SGSM1: variants seen among roughly 807,000 people sequenced by gnomAD.
The protein encoded by SGSM1 is RUN and TBC1 domain containing 2.
SGSM1 carries 73 observed loss-of-function variants against 133.8 expected under a neutral mutation model. The observed-to-expected ratio is 0.55, with a 90% confidence interval of 0.45 to 0.66. SGSM1 has a LOEUF of 0.66. Ranked by LOEUF, SGSM1 falls within the 30% of genes least tolerant of loss-of-function variation. SGSM1 has a pLI of 0.00. For missense variants in SGSM1, 1,213 were observed against 1,448.1 expected (o/e 0.84, Z 2.64); for synonymous variants, 563 against 573.0 (o/e 0.98, Z 0.25).
At chr22:24,870,090 G>C (rs189021364) in intron 12 of SGSM1, among the ~76,000 whole-genome samples, 2 of 152,334 alleles carry the variant, frequency 1.3e-5, no homozygotes, top group Non-Finnish European at 2.9e-5. Context: ...AGGCTCTTTT[G>C]AGAGCAGATG....
intron 5 of SGSM1, among the ~76,000 whole-genome samples, chr22:24,854,441 C>G (rs1467371616): frequency 6.6e-6 from 1 of 152,198 alleles, no homozygotes; most frequent in Non-Finnish European, 1.5e-5. Flanking sequence ...TATAAAGGCT[C>G]TATCATGACC....
intron 2 of SGSM1, among the ~76,000 whole-genome samples, chr22:24,838,923 T>G (rs139654): frequency 0.26 from 27,159 of 103,614 alleles, 2,557 homozygotes; most frequent in African/African-American, 0.33. Context: ...GATATTTATG[T>G]TTCTGCAAAA....
intron 22 of SGSM1, among the ~76,000 whole-genome samples, chr22:24,913,866 C>A (rs1315537271): frequency 1.3e-5 from 2 of 150,524 alleles, no homozygotes; most frequent in Non-Finnish European, 2.9e-5. Flanking sequence ...ACTAAAAATA[C>A]AAACATTGGC....
intron 2 of SGSM1, among the ~76,000 whole-genome samples, chr22:24,810,905 T>G (rs1255644930): frequency 6.6e-6 from 1 of 152,104 alleles, no homozygotes; most frequent in African/African-American, 2.4e-5. Flanking sequence ...AGAGAAGCAA[T>G]TGACGTTACC....
intron 10 of SGSM1, 71 bp downstream of exon 10, chr22:24,867,231 A>G (rs1421729348): frequency 1.4e-6 from 2 of 1,451,274 alleles, no homozygotes; most frequent in Non-Finnish European, 1.9e-6. Context: ...ATCCCTGCCT[A>G]TTCATTAGCA....
At chr22:24,854,805 G>T (rs1039069629) in intron 5 of SGSM1, among the ~76,000 whole-genome samples, 191 bp from the exon 6 acceptor site, 1 of 152,094 alleles carries the variant, frequency 6.6e-6, no homozygotes, top group Non-Finnish European at 1.5e-5. Flanking sequence ...GACAGAGAAA[G>T]ACCTTATCTT....
At chr22:24,899,682 C>T (rs750027281) in intron 19 of SGSM1, among the ~76,000 whole-genome samples, 11 of 151,956 alleles carry the variant, frequency 7.2e-5, no homozygotes, top group Non-Finnish European at 1.5e-4. Flanking sequence ...CCACCACGCC[C>T]GGCTAATTTT....
chr22:24,868,724 G>A lies in SGSM1; in HGVS notation c.1160G>A (p.Gly387Asp), dbSNP rs1203782240. Reference protein sequence around the residue: ...DPPLWSQRGKGKVFPKLRKRS... With the variant: ...DPPLWSQRGKDKVFPKLRKRS... ...TTGTTTTGGGACATGTTTTTGCAGG[G>A]CAAAGTGTTTCCTAAACTGCGCAAG... Residue 387 changes from glycine to aspartate, a missense_variant and splice_region_variant, in exon 12 of 25, where the codon GGC (glycine) becomes GAC (aspartate). Transcript: ENST00000400358. 6.2e-7 allele frequency: 1 copy of A among 1,613,652 alleles called. No individual in the cohort carries two copies. Among genetic ancestry groups the A allele is most frequent in the Non-Finnish European group, 8.5e-7 (1 of 1,179,778 alleles).
At chr22:24,892,226 G>A (rs1569166232) in intron 16 of SGSM1, among the ~76,000 whole-genome samples, 2 of 152,104 alleles carry the variant, frequency 1.3e-5, no homozygotes, top group East Asian at 1.9e-4. Context: ...TGGCTCAGGC[G>A]AGGCCCTTGG....
rs533180789 is a variant in SGSM1, at chr22:24,872,967, AT to A, written c.1292-3599del. ...AAATTACATATGTGGCTCAATTGTA[AT>A]TTTTTTTTTTGGCAGGGTCTCGCTC... On this transcript the variant is annotated intron_variant, in intron 12 of 24. Transcript: ENST00000400358. Among the ~76,000 whole-genome samples, 487 of 145,816 alleles carry A rather than the reference AT, an allele frequency of 3.3e-3. 4 individuals are homozygous for A. The highest frequency in any genetic ancestry group is 0.011 in the African/African-American group (451 of 40,046).
chr22:24,901,819 C>T lies in SGSM1; in HGVS notation c.2611-14C>T. ...TCATTTCTTCCCCCTACCCCCTGCC[C>T]CGATGGCCTATAGCCAGAGCTGCTG... On this transcript the variant is annotated splice_polypyrimidine_tract_variant and intron_variant, in intron 19 of 24. Transcript: ENST00000400358. 3 of 1,611,898 alleles carry T rather than the reference C, an allele frequency of 1.9e-6. No homozygotes were observed. Among genetic ancestry groups the T allele is most frequent in the Non-Finnish European group, 2.5e-6 (3 of 1,179,088 alleles).
chr22:24,913,882 T>A (rs1933722438), intron 22 of SGSM1, among the ~76,000 whole-genome samples: 1 of 149,680 alleles, frequency 6.7e-6, no homozygotes, highest in Admixed American at 6.7e-5. Context: ...TTGGCCGGGG[T>A]GCGGTGGCTC....
Position 24,927,178 on chromosome 22 carries a change from G to A in SGSM1, c.*2904G>A, listed in dbSNP as rs1048425610. On this transcript the variant is annotated 3_prime_UTR_variant, in exon 25 of 25. Coordinates refer to ENST00000400358, the MANE Select transcript of SGSM1 (RefSeq NM_001098497.3). ...CTTCTTCATGTGTCTGTGGTCAGCT[G>A]ATGTCCAGATAGGCAACTCTGCTTC... 7 of 152,208 alleles carry A rather than the reference G, an allele frequency of 4.6e-5. No homozygotes were observed. Among genetic ancestry groups the A allele is most frequent in the African/African-American group, 1.7e-4 (7 of 41,450 alleles). The allele number at this position is 152,208 out of a possible 1,614,324, so 9.4% of individuals were successfully genotyped here.
intron 2 of SGSM1, chr22:24,843,677 C>T (rs781046451): frequency 6.6e-6 from 1 of 152,270 alleles, no homozygotes; most frequent in Non-Finnish European, 1.5e-5. Context: ...TGGGCAGAAT[C>T]AGGCCCAGAA....
At position 24,927,101 on chromosome 22, in the gene SGSM1, G is replaced by C. The variant is rs1328210438; in HGVS notation, c.*2827G>C. ...AGCCATGTATTTACCTCATAATTCT[G>C]TGGGTCAGCATCCCAGGCTAGGTTC... On this transcript the variant is annotated 3_prime_UTR_variant, in exon 25 of 25. Coordinates refer to ENST00000400358, the MANE Select transcript of SGSM1 (RefSeq NM_001098497.3). 2.0e-5 allele frequency: 3 copies of C among 152,148 alleles called. No individual in the cohort carries two copies. Among genetic ancestry groups the C allele is most frequent in the African/African-American group, 7.2e-5 (3 of 41,416 alleles). 9.4% of individuals were successfully genotyped at this position (152,148 alleles called of 1,614,324 possible).
chr22:24,830,345 G>C (rs1929042566), intron 2 of SGSM1, among the ~76,000 whole-genome samples: 1 of 152,138 alleles, frequency 6.6e-6, no homozygotes, highest in Non-Finnish European at 1.5e-5. Flanking sequence ...CCATTCCCAG[G>C]GTAAGAAGGT....
rs144611370 is a variant in SGSM1, at chr22:24,841,831, G to A, written c.64-3066G>A. 4.7e-3 allele frequency among the ~76,000 whole-genome samples: 723 copies of A among 152,280 alleles called. 5 individuals are homozygous for A. The highest frequency in any genetic ancestry group is 0.016 in the African/African-American group (657 of 41,546). The stretch of plus-strand genomic sequence containing the variant: ...GGCTGGAGTGCAGTGGCACGATCTC[G>A]GCTTACTGCAACCTCTGCCTCCCAA... On this transcript the variant is annotated intron_variant, in intron 2 of 24. Transcript: ENST00000400358.
In SGSM1 at chr22:24,886,562, T is replaced by C. The variant is rs747021338; in HGVS notation, c.1642-38T>C. 1.7e-5 allele frequency: 27 copies of C among 1,544,728 alleles called. No homozygotes were observed. In the East Asian group the frequency reaches 6.6e-4, roughly 38 times the overall value. On this transcript the variant is annotated intron_variant, in intron 15 of 24. Transcript: ENST00000400358. ...CTACTAAAACCACCCCCTGGTTTTC[T>C]GTTGACCAAACTCTTTGCTCCTCTC...
intron 2 of SGSM1, 57 bp from the exon 3 acceptor site, chr22:24,844,840 C>G: frequency 1.3e-6 from 2 of 1,575,896 alleles, no homozygotes; most frequent in Non-Finnish European, 8.7e-7. Flanking sequence ...GGCACCTATA[C>G]CCAGGTCACC....
Sources: gnomAD v4.1 joint callset for allele counts (sites outside exome capture counted in the v4.1 genomes callset) on GRCh38, gnomAD v4.1.1 for gene constraint, MANE v1.5 for transcripts, NCBI Gene and HGNC (gene_info 2026-07-23, HGNC 2026-07-21) for gene names.